NDUFS7: variants seen among roughly 807,000 people sequenced by gnomAD.
The protein encoded by NDUFS7 is NADH:ubiquinone oxidoreductase core subunit S7, also known as NADH dehydrogenase [ubiquinone] iron-sulfur protein 7, mitochondrial.
A neutral mutation model predicts 31.1 loss-of-function variants in NDUFS7; 11 were observed. That is an observed-to-expected ratio of 0.35 (90% confidence interval 0.22 to 0.59). The LOEUF (loss-of-function observed/expected upper bound fraction) is 0.59, where lower values mean the gene tolerates loss of function less well. Ranked by LOEUF, NDUFS7 falls within the 20% of genes least tolerant of loss-of-function variation. The probability of loss-of-function intolerance (pLI) is 0.79; values close to 1 mark genes in which losing one functional copy is unlikely to be tolerated. For synonymous variants in NDUFS7, 136 were observed against 127.9 expected, an observed-to-expected ratio of 1.06 and a Z score of -0.43; for missense variants, 263 against 324.2, an observed-to-expected ratio of 0.81 and a Z score of 1.45.
At position 1,388,558 on chromosome 19, in the gene NDUFS7, T is replaced by A; in HGVS notation, c.87T>A (p.Gly29=). 2.5e-6 allele frequency: 4 copies of A among 1,611,860 alleles called. No individual in the cohort carries two copies. The East Asian group carries it at 8.9e-5, about 36-fold the overall frequency. ...SSVGPAVQAR[G]VHQSVATDGP... is the part of the protein sequence containing the mutation. The stretch of plus-strand genomic sequence containing the variant: ...TGGGCCCGGCTGTGCAGGCACGAGG[T>A]GTCCATCAGAGCGTGGCCACCGATG... The change falls in exon 3 of 8, where the codon GGT becomes GGA. Residue 29 remains glycine (G), a synonymous_variant. Transcript: ENST00000233627.
intron 7 of NDUFS7, chr19:1,394,255 C>T (rs1220830730): frequency 1.3e-6 from 1 of 789,654 alleles, no homozygotes; most frequent in Non-Finnish European, 1.8e-6. Flanking sequence ...TCAGGTCACC[C>T]CGGGGGCAGT....
At chr19:1,388,017 TC>T in intron 2 of NDUFS7, 170 bp downstream of exon 2, 1 of 711,816 alleles carries the variant, frequency 1.4e-6, no homozygotes, top group South Asian at 1.6e-5. Flanking sequence ...GCCGGGACCC[TC>T]CCTGGGACAG....
intron 1 of NDUFS7, among the ~76,000 whole-genome samples, chr19:1,385,913 C>G (rs1368156987): frequency 6.6e-6 from 1 of 152,230 alleles, no homozygotes; most frequent in Admixed American, 6.5e-5. Flanking sequence ...CTGCTAGGAG[C>G]TCATCCAAAG....
At chr19:1,392,833 C>T (rs2082566371) in intron 6 of NDUFS7, 2 of 295,464 alleles carry the variant, frequency 6.8e-6, no homozygotes, top group Non-Finnish European at 1.3e-5. Context: ...CAGCTCCCTG[C>T]CCCGGGTGGA....
chr19:1,389,232 T>G (rs892024163), intron 4 of NDUFS7: 2 of 664,548 alleles, frequency 3.0e-6, no homozygotes, highest in African/African-American at 3.6e-5. Context: ...CATGCACACT[T>G]GCACTCATGC....
In NDUFS7 at chr19:1,393,495, C is replaced by T; in HGVS notation, c.544+165C>T. ...CGCTGCCTCTTAGTGGAGCCTGTCC[C>T]CTGTGAGAAGTCGGCGATGTATTCA... On this transcript the variant is annotated intron_variant, in intron 7 of 7. Transcript: ENST00000233627. The surrounding 1 kb of genome is among the most constrained non-coding windows in gnomAD (Gnocchi z 7.3). The T allele has an allele frequency of 1.4e-6, 1 of 699,460 alleles. No individual in the cohort carries two copies. The highest frequency in any genetic ancestry group is 2.7e-5 in the East Asian group (1 of 37,042). 43.3% of individuals were successfully genotyped at this position (699,460 alleles called of 1,614,324 possible).
At position 1,395,473 on chromosome 19, in the gene NDUFS7, C is replaced by A. The variant is rs772810353; in HGVS notation, c.627C>A (p.Ile209=). 12 of 1,592,318 alleles carry A rather than the reference C, an allele frequency of 7.5e-6. No individual in the cohort carries two copies. The East Asian group carries it at 2.0e-4, about 27-fold the overall frequency. ...TCAAGCGGGAGCGGAGGCTGCAGAT[C>A]TGGTACCGCAGGTAGCGCCGCCGCC... ...RKIKRERRLQ[I]WYRR The change falls in exon 8 of 8, where the codon ATC becomes ATA. Residue 209 remains isoleucine (I), a synonymous_variant. Coordinates refer to ENST00000233627, the MANE Select transcript of NDUFS7 (RefSeq NM_024407.5).
At chr19:1,391,198 AC>A (rs2082555051) in intron 6 of NDUFS7, 33 bp downstream of exon 6, 2 of 1,606,328 alleles carry the variant, frequency 1.2e-6, no homozygotes, top group Admixed American at 1.7e-5. Flanking sequence ...CCAGGGACAG[AC>A]GTAGCGTGAG....
In NDUFS7 at chr19:1,393,558, T is replaced by C; in HGVS notation, c.544+228T>C. On this transcript the variant is annotated intron_variant, in intron 7 of 7. Transcript: ENST00000233627. The surrounding 1 kb of genome is among the most constrained non-coding windows in gnomAD (Gnocchi z 7.3). ...ATCAGAGGGAGCAGGGGAAGCTGAG[T>C]GGAATTCCTGACACACGCCTGGTTT... The C allele has an allele frequency of 1.5e-6, 1 of 652,060 alleles. No homozygotes were observed. Among genetic ancestry groups the C allele is most frequent in the Non-Finnish European group, 2.8e-6 (1 of 357,000 alleles). The allele number at this position is 652,060 out of a possible 1,614,324, so 40.4% of individuals were successfully genotyped here. A position where few individuals can be genotyped will look rare whatever the true frequency, so the allele number is the denominator to read the frequency against.
chr19:1,386,078 G>A lies in NDUFS7; in HGVS notation c.17-1733G>A, dbSNP rs549951173. ...TCCTTCAGAGAGTTGTGGCCTGGAC[G>A]GGGCCATGGGAAACAGCAACCCCGG... On this transcript the variant is annotated intron_variant, in intron 1 of 7. Coordinates refer to ENST00000233627, the MANE Select transcript of NDUFS7 (RefSeq NM_024407.5). Among the ~76,000 whole-genome samples, 10 of 152,284 alleles carry A rather than the reference G, an allele frequency of 6.6e-5. No homozygotes were observed. The South Asian group carries it at 1.5e-3, about 22-fold the overall frequency.
At chr19:1,385,630 T>A (rs2082502751) in intron 1 of NDUFS7, among the ~76,000 whole-genome samples, 3 of 151,760 alleles carry the variant, frequency 2.0e-5, no homozygotes, top group Admixed American at 6.6e-5. Context: ...ACCAGCCTGA[T>A]CAACATGGAG....
chr19:1,394,006 G>T, intron 7 of NDUFS7: 1 of 253,708 alleles, frequency 3.9e-6, no homozygotes. Context: ...AGTGGTCCAC[G>T]GTAGGCAGGC....
intron 7 of NDUFS7, chr19:1,394,685 C>T (rs990358341): frequency 5.0e-6 from 6 of 1,205,816 alleles, no homozygotes; most frequent in Non-Finnish European, 5.2e-6. Context: ...GACTGTGCTG[C>T]TCCCTCCCTG....
intron 7 of NDUFS7, chr19:1,395,142 C>T: frequency 2.1e-6 from 3 of 1,401,542 alleles, no homozygotes; most frequent in Non-Finnish European, 2.8e-6. Context: ...CGAGAGGTCC[C>T]TGTGACAGCC....
intron 4 of NDUFS7, chr19:1,390,586 C>G: frequency 3.6e-6 from 2 of 558,664 alleles, no homozygotes; most frequent in Non-Finnish European, 3.2e-6. Context: ...GCTGGAGCCC[C>G]CTGTTGAAAT....
intron 7 of NDUFS7, 119 bp from the exon 8 acceptor site, chr19:1,395,272 C>G (rs2082588704): frequency 6.7e-7 from 1 of 1,481,624 alleles, no homozygotes; most frequent in African/African-American, 1.4e-5. Flanking sequence ...CCAGGGCTGT[C>G]AGCCTCCACC....
At position 1,395,555 on chromosome 19, in the gene NDUFS7, T is replaced by G; in HGVS notation, c.*67T>G. 5 of 1,532,694 alleles carry G rather than the reference T, an allele frequency of 3.3e-6. No individual in the cohort carries two copies. The highest frequency in any genetic ancestry group is 4.4e-6 in the Non-Finnish European group (5 of 1,132,164). 94.9% of individuals were successfully genotyped at this position (1,532,694 alleles called of 1,614,324 possible). A position where few individuals can be genotyped will look rare whatever the true frequency, so the allele number is the denominator to read the frequency against. On this transcript the variant is annotated 3_prime_UTR_variant, in exon 8 of 8. Coordinates refer to ENST00000233627, the MANE Select transcript of NDUFS7 (RefSeq NM_024407.5). ...CCAGCCTGCTTGTGTCCCGTGAGGT[T>G]GTCAATAAACCTGCCCTCGGGCTGC...
chr19:1,395,128 T>C, intron 7 of NDUFS7: 1 of 1,372,064 alleles, frequency 7.3e-7, no homozygotes. Flanking sequence ...GTCAGCGTCT[T>C]GTCCGAGAGG....
Position 1,393,646 on chromosome 19 carries a change from G to A in NDUFS7, c.544+316G>A, listed in dbSNP as rs1210941664. The stretch of plus-strand genomic sequence containing the variant: ...AGACCTGCAGTTAGAAATACCAAGC[G>A]AGAAGGTTCCTGGGGGCCAAGGACA... On this transcript the variant is annotated intron_variant, in intron 7 of 7. Transcript: ENST00000233627. This position sits in a 1 kb window ranked among gnomAD's most constrained non-coding sequence, Gnocchi z 7.3. 1.8e-5 allele frequency: 11 copies of A among 596,914 alleles called. No individual in the cohort carries two copies. The East Asian group carries it at 3.0e-4, about 17-fold the overall frequency. The allele number at this position is 596,914 out of a possible 1,614,324, so 37.0% of individuals were successfully genotyped here.
Sources: allele counts gnomAD v4.1 joint callset (sites outside exome capture counted in the v4.1 genomes callset), GRCh38; gene constraint gnomAD v4.1.1; non-coding constraint Gnocchi (gnomAD v3.1); transcripts MANE v1.5; gene names NCBI Gene and HGNC (gene_info 2026-07-23, HGNC 2026-07-21).